CCDC15: variants seen among roughly 807,000 people sequenced by gnomAD.
CCDC15 encodes coiled-coil domain-containing protein 15.
CCDC15 carries 105 observed loss-of-function variants against 114.5 expected under a neutral mutation model. The ratio of observed to expected loss-of-function variants is 0.92; its 90% CI spans 0.78 to 1.08. The LOEUF is 1.08. Ranked by LOEUF, CCDC15 falls within the 50% of genes least tolerant of loss-of-function variation. The pLI is 0.00. For synonymous variants in CCDC15, 334 were observed against 377.8 expected (o/e 0.88, Z 1.34); for missense variants, 1,105 against 1,093.6 (o/e 1.01, Z -0.15).
chr11:124,991,581 CAGGT>C lies in CCDC15; in HGVS notation c.2031+1_2031+4del, dbSNP rs1383832365. On this transcript the variant is annotated splice_donor_variant and coding_sequence_variant, in exon 9 of 16. Coordinates refer to ENST00000344762, the MANE Select transcript of CCDC15 (RefSeq NM_025004.3). LOFTEE classifies it high-confidence loss of function. ...CCAGGACCAGGATGACATCAAAAAT[CAGGT>C]AGAGTAGAAGAAAAAGATATAAACA... 2 of 1,599,416 alleles carry C rather than the reference CAGGT, an allele frequency of 1.3e-6. No individual in the cohort carries two copies. The highest frequency in any genetic ancestry group is 1.7e-5 in the Admixed American group (1 of 57,982).
intron 13 of CCDC15, among the ~76,000 whole-genome samples, chr11:125,021,477 C>T (rs920226140): frequency 2.6e-5 from 4 of 151,760 alleles, no homozygotes; most frequent in African/African-American, 9.7e-5. Flanking sequence ...CCACAAATTA[C>T]TATAATATCT....
At chr11:125,029,846 A>G (rs191258152) in intron 13 of CCDC15, among the ~76,000 whole-genome samples, 9 of 152,300 alleles carry the variant, frequency 5.9e-5, no homozygotes, top group Admixed American at 2.6e-4. Context: ...TAATACTAAG[A>G]GATGCCGTAA....
rs754357924 is a variant in CCDC15 at position 124,991,486 on chromosome 11, C to G, written c.1934C>G (p.Ser645Cys). The G allele has an allele frequency of 1.0e-5, 16 of 1,594,484 alleles. No homozygotes were observed. The highest frequency in any genetic ancestry group is 1.4e-5 in the Non-Finnish European group (16 of 1,164,478). ...AAAGTACACTTTAAGGAGCCATACT[C>G]TGATATGACAGATGAGAAAGGGAGA... ...YQKVHFKEPY[S>C]DMTDEKGRED... Residue 645 changes from serine (S) to cysteine (C), a missense_variant, in exon 9 of 16, where the codon TCT (serine) becomes TGT (cysteine). Transcript: ENST00000344762.
intron 11 of CCDC15, among the ~76,000 whole-genome samples, chr11:124,997,404 C>G (rs1248945161): frequency 6.6e-6 from 1 of 152,178 alleles, no homozygotes; most frequent in African/African-American, 2.4e-5. Context: ...ATCCTCCTGC[C>G]TCAGCCTCCT....
chr11:124,985,663 T>C (rs891543564), intron 6 of CCDC15, among the ~76,000 whole-genome samples: 5 of 151,734 alleles, frequency 3.3e-5, no homozygotes, highest in Non-Finnish European at 7.4e-5. Flanking sequence ...GCTTTACCCA[T>C]TTTTTAATTG....
chr11:125,000,445 C>A (rs1209962559), intron 11 of CCDC15, among the ~76,000 whole-genome samples: 1 of 152,132 alleles, frequency 6.6e-6, no homozygotes, highest in African/African-American at 2.4e-5. Flanking sequence ...GCTCACTTCT[C>A]TCTAGGTTAC....
intron 8 of CCDC15, among the ~76,000 whole-genome samples, chr11:124,989,609 C>A (rs1281013207): frequency 6.6e-6 from 1 of 152,218 alleles, no homozygotes. Flanking sequence ...AACTGAAAAT[C>A]TGTTGTCCAG....
chr11:125,016,221 T>C (rs1231901489), intron 13 of CCDC15, among the ~76,000 whole-genome samples: 1 of 152,176 alleles, frequency 6.6e-6, no homozygotes, highest in East Asian at 1.9e-4. Flanking sequence ...TCCTGAAATA[T>C]TTATGTGGCA....
intron 8 of CCDC15, among the ~76,000 whole-genome samples, chr11:124,989,779 T>G (rs112667680): frequency 3.3e-5 from 5 of 152,254 alleles, no homozygotes; most frequent in African/African-American, 1.2e-4. Context: ...ACTTTTCTTC[T>G]GTAGTTTTTT....
At chr11:124,960,891 A>C (rs191769617) in intron 4 of CCDC15, among the ~76,000 whole-genome samples, 165 of 152,352 alleles carry the variant, frequency 1.1e-3, no homozygotes, top group Admixed American at 3.6e-3. Context: ...GAGAGAAAAT[A>C]TGGAAAATTA....
chr11:125,024,874 G>T (rs374634898), intron 13 of CCDC15, among the ~76,000 whole-genome samples: 7 of 151,332 alleles, frequency 4.6e-5, no homozygotes, highest in African/African-American at 1.7e-4. Flanking sequence ...TTAGTTCTTT[G>T]CCATTAAGTA....
At chr11:124,970,522 G>T (rs778561002) in intron 4 of CCDC15, among the ~76,000 whole-genome samples, 1 of 152,118 alleles carries the variant, frequency 6.6e-6, no homozygotes, top group African/African-American at 2.4e-5. Context: ...TACTTGAATA[G>T]AATTCAACTT....
At chr11:125,021,640 A>G (rs1261430883) in intron 13 of CCDC15, among the ~76,000 whole-genome samples, 1 of 151,888 alleles carries the variant, frequency 6.6e-6, no homozygotes, top group Non-Finnish European at 1.5e-5. Flanking sequence ...AAATAGAGAC[A>G]GAAAATTTAC....
chr11:125,021,819 A>G (rs1325593286), intron 13 of CCDC15, among the ~76,000 whole-genome samples: 2 of 152,070 alleles, frequency 1.3e-5, no homozygotes, highest in South Asian at 2.1e-4. Flanking sequence ...TGACTGGTCT[A>G]GAGAATAATT....
Position 124,992,814 on chromosome 11 carries a change from A to G in CCDC15, c.2139+127A>G, listed in dbSNP as rs1161034394. Reference sequence around the variant, plus strand: ...TGGAATACATAGAATTAAGGCCTCCAGAATTAAGCTAAGAGTATAATGTTT... The same window carrying G: ...TGGAATACATAGAATTAAGGCCTCCGGAATTAAGCTAAGAGTATAATGTTT... On this transcript the variant is annotated intron_variant, in intron 10 of 15. Transcript: ENST00000344762. The G allele has an allele frequency of 2.2e-5, 13 of 586,458 alleles. No homozygotes were observed. The East Asian group carries it at 3.6e-4, about 16-fold the overall frequency. The allele number at this position is 586,458 out of a possible 1,614,324, so 36.3% of individuals were successfully genotyped here.
intron 4 of CCDC15, among the ~76,000 whole-genome samples, chr11:124,969,763 G>A (rs1241365375): frequency 1.3e-5 from 2 of 152,184 alleles, no homozygotes; most frequent in Non-Finnish European, 1.5e-5. Context: ...CAAGGGGAAA[G>A]TTTATTTGAA....
chr11:124,974,141 A>AT (rs917354013), intron 4 of CCDC15, among the ~76,000 whole-genome samples: 2 of 151,762 alleles, frequency 1.3e-5, no homozygotes, highest in African/African-American at 4.8e-5. Flanking sequence ...TGCCCGGCTA[A>AT]TTTTTTTATT....
chr11:124,969,771 G>A (rs1318698497), intron 4 of CCDC15, among the ~76,000 whole-genome samples: 3 of 152,152 alleles, frequency 2.0e-5, no homozygotes, highest in African/African-American at 7.2e-5. Flanking sequence ...AAGTTTATTT[G>A]AAGAATACAC....
intron 13 of CCDC15, among the ~76,000 whole-genome samples, chr11:125,035,421 G>A (rs1948768906): frequency 6.6e-6 from 1 of 151,364 alleles, no homozygotes; most frequent in African/African-American, 2.4e-5. Flanking sequence ...GTTTCTATTT[G>A]CATGGAATAT....
Sources: allele counts gnomAD v4.1 joint callset (sites outside exome capture counted in the v4.1 genomes callset), GRCh38; gene constraint gnomAD v4.1.1; transcripts MANE v1.5; gene names NCBI Gene and HGNC (gene_info 2026-07-23, HGNC 2026-07-21).